PTPRQ: variants seen among roughly 807,000 people sequenced by gnomAD.
The protein encoded by PTPRQ is phosphatidylinositol phosphatase PTPRQ.
A neutral mutation model predicts 246.0 loss-of-function variants in PTPRQ; 199 were observed. That is an observed-to-expected ratio of 0.81 (90% CI 0.72 to 0.91). The LOEUF (loss-of-function observed/expected upper bound fraction) is 0.91, where lower values mean the gene tolerates loss of function less well. Ranked by LOEUF, PTPRQ falls within the 40% of genes least tolerant of loss-of-function variation. The pLI, the probability that PTPRQ is intolerant of heterozygous loss-of-function variation, is 0.00. For missense variants in PTPRQ, 2,624 were observed against 2,528.4 expected, an observed-to-expected ratio of 1.04 and a Z score of -0.81; for synonymous variants, 869 against 853.2, an observed-to-expected ratio of 1.02 and a Z score of -0.32.
intron 38 of PTPRQ, among the ~76,000 whole-genome samples, chr12:80,654,434 T>C (rs570180125): frequency 5.0e-4 from 76 of 152,338 alleles, no homozygotes; most frequent in African/African-American, 1.8e-3. Context: ...TATATTTATC[T>C]GCACCTAAAT....
chr12:80,444,629 A>C, intron 1 of PTPRQ, 112 bp from the exon 2 acceptor site: 1 of 772,700 alleles, frequency 1.3e-6, no homozygotes, highest in Non-Finnish European at 2.2e-6. Flanking sequence ...TGTTATAAAC[A>C]GTGCAGAGTT....
At position 80,567,233 on chromosome 12, in the gene PTPRQ, ATAT is replaced by A. The variant is rs1897005383; in HGVS notation, c.4285+17503_4285+17505del. 4.6e-5 allele frequency among the ~76,000 whole-genome samples: 7 copies of A among 152,358 alleles called. No individual in the cohort carries two copies. The South Asian group carries it at 1.5e-3, about 32-fold the overall frequency. On this transcript the variant is annotated intron_variant, in intron 25 of 44. Coordinates refer to ENST00000644991, the MANE Select transcript of PTPRQ (RefSeq NM_001145026.2). ...TCTATTAAAAATCTACATTTACAAA[ATAT>A]TATCTAGAAAGTATGAGTGTCTAGT... is the stretch of plus-strand genomic sequence containing the variant.
intron 16 of PTPRQ, among the ~76,000 whole-genome samples, chr12:80,508,105 G>A (rs1481649113): frequency 6.6e-6 from 1 of 151,834 alleles, no homozygotes; most frequent in Non-Finnish European, 1.5e-5. Flanking sequence ...TGAATTACCT[G>A]GGCTGTTAAA....
chr12:80,444,991 T>A, intron 2 of PTPRQ, 142 bp downstream of exon 2: 1 of 983,736 alleles, frequency 1.0e-6, no homozygotes, highest in Non-Finnish European at 1.4e-6. Context: ...AACAAGAAAG[T>A]GATCTGCTTA....
intron 20 of PTPRQ, among the ~76,000 whole-genome samples, chr12:80,540,190 C>T (rs1896111621): frequency 6.6e-6 from 1 of 151,962 alleles, no homozygotes; most frequent in Non-Finnish European, 1.5e-5. Context: ...ATGTCGTGGC[C>T]ATCCAGTTAT....
intron 9 of PTPRQ, among the ~76,000 whole-genome samples, chr12:80,487,368 G>A (rs1416264314): frequency 1.3e-5 from 2 of 152,076 alleles, no homozygotes; most frequent in Non-Finnish European, 2.9e-5. Context: ...GTCTGTCCAG[G>A]CAATTAATAG....
At chr12:80,654,014 TC>T (rs1900342123) in intron 38 of PTPRQ, among the ~76,000 whole-genome samples, 3 of 151,682 alleles carry the variant, frequency 2.0e-5, no homozygotes, top group African/African-American at 7.3e-5. Flanking sequence ...TTTCTTTCTT[TC>T]TTTTTTTCTT....
At chr12:80,478,188 A>T (rs12304050) in intron 8 of PTPRQ, among the ~76,000 whole-genome samples, 12 of 138,396 alleles carry the variant, frequency 8.7e-5, no homozygotes, top group South Asian at 2.2e-4. Context: ...GATCTGAGAA[A>T]GGGGAAACTG....
At chr12:80,641,129 C>A (rs886164541) in intron 35 of PTPRQ, among the ~76,000 whole-genome samples, 1 of 152,178 alleles carries the variant, frequency 6.6e-6, no homozygotes, top group Non-Finnish European at 1.5e-5. Context: ...CGTTATTTCT[C>A]CACTGACCAA....
At chr12:80,500,065 C>T (rs1184138735) in intron 14 of PTPRQ, among the ~76,000 whole-genome samples, 1 of 151,820 alleles carries the variant, frequency 6.6e-6, no homozygotes, top group Non-Finnish European at 1.5e-5. Context: ...TGTGTAGACC[C>T]CCATAAATTT....
chr12:80,505,616 G>T (rs1286809632), intron 14 of PTPRQ, among the ~76,000 whole-genome samples: 5 of 151,808 alleles, frequency 3.3e-5, no homozygotes, highest in Non-Finnish European at 7.4e-5. Context: ...TCCTTGCCTT[G>T]TCACAGACCT....
At chr12:80,636,673 C>CT (rs1899664632) in intron 35 of PTPRQ, among the ~76,000 whole-genome samples, 1 of 152,114 alleles carries the variant, frequency 6.6e-6, no homozygotes, top group Admixed American at 6.5e-5. Flanking sequence ...ATGTAAACTT[C>CT]TAAGACCGAC....
rs993259299 is a variant in PTPRQ at position 80,483,627 on chromosome 12, C to A, written c.1187-806C>A. On this transcript the variant is annotated intron_variant, in intron 8 of 44. Transcript: ENST00000644991. Reference sequence around the variant, plus strand: ...TACTTTCAGTTCTGGGGTACATGTGCAGAACGTATAGGTTTGTTACATAGG... The same window carrying A: ...TACTTTCAGTTCTGGGGTACATGTGAAGAACGTATAGGTTTGTTACATAGG... Among the ~76,000 whole-genome samples the A allele has an allele frequency of 7.9e-5, 12 of 152,088 alleles. No homozygotes were observed. In the East Asian group the frequency reaches 2.3e-3, roughly 29 times the overall value.
intron 39 of PTPRQ, among the ~76,000 whole-genome samples, chr12:80,665,886 C>T (rs1400605609): frequency 2.0e-5 from 3 of 151,988 alleles, no homozygotes; most frequent in Non-Finnish European, 4.4e-5. Flanking sequence ...ATCAAAACCA[C>T]AATGAAACAC....
At chr12:80,584,394 T>G (rs967113682) in intron 25 of PTPRQ, among the ~76,000 whole-genome samples, 1 of 152,216 alleles carries the variant, frequency 6.6e-6, no homozygotes, top group African/African-American at 2.4e-5. Flanking sequence ...TCTGTACTGT[T>G]GCTATCACCT....
chr12:80,444,294 T>G lies in PTPRQ; in HGVS notation c.-52T>G, dbSNP rs1359698982. 2.1e-5 allele frequency: 20 copies of G among 940,586 alleles called. No homozygotes were observed. In the South Asian group the frequency reaches 2.9e-4, roughly 13 times the overall value. 58.3% of individuals were successfully genotyped at this position (940,586 alleles called of 1,614,324 possible). A position where few individuals can be genotyped will look rare whatever the true frequency, so the allele number is the denominator to read the frequency against. On this transcript the variant is annotated 5_prime_UTR_variant, in exon 1 of 45. Coordinates refer to ENST00000644991, the MANE Select transcript of PTPRQ (RefSeq NM_001145026.2). ...CTTTAAATCATTAATGCAGGCAACATTTCTCTCTAGAGCCATCAATGTGAT... is the reference window on the plus strand; with the variant it reads ...CTTTAAATCATTAATGCAGGCAACAGTTCTCTCTAGAGCCATCAATGTGAT...
intron 8 of PTPRQ, among the ~76,000 whole-genome samples, chr12:80,476,193 G>A (rs1893805218): frequency 6.6e-6 from 1 of 152,036 alleles, no homozygotes; most frequent in African/African-American, 2.4e-5. Context: ...AGATGGAATA[G>A]GAGCTTTGCT....
At chr12:80,583,124 C>T (rs373979367) in intron 25 of PTPRQ, among the ~76,000 whole-genome samples, 10 of 152,266 alleles carry the variant, frequency 6.6e-5, no homozygotes, top group African/African-American at 2.2e-4. Flanking sequence ...TTCTTCTTAT[C>T]CTTCAGGTCT....
At chr12:80,477,887 G>A (rs1050063532) in intron 8 of PTPRQ, among the ~76,000 whole-genome samples, 10 of 152,184 alleles carry the variant, frequency 6.6e-5, no homozygotes, top group African/African-American at 2.2e-4. Context: ...CTACGCCCAC[G>A]GAGTCTCGCT....
Sources: allele counts gnomAD v4.1 joint callset (sites outside exome capture counted in the v4.1 genomes callset), GRCh38; gene constraint gnomAD v4.1.1; transcripts MANE v1.5; gene names NCBI Gene and HGNC (gene_info 2026-07-23, HGNC 2026-07-21).